SNTG1: variants seen among roughly 807,000 people sequenced by gnomAD.
SNTG1 encodes the protein syntrophin gamma 1, also known as gamma-1-syntrophin.
SNTG1 carries 39 observed loss-of-function variants against 74.7 expected under a neutral mutation model. The ratio of observed to expected loss-of-function variants is 0.52; its 90% CI spans 0.40 to 0.68. The LOEUF is 0.68. Ranked by LOEUF, SNTG1 falls within the 30% of genes least tolerant of loss-of-function variation. The pLI is 0.00. For synonymous variants in SNTG1, 254 were observed against 217.1 expected (o/e 1.17, Z -1.49); for missense variants, 685 against 609.5 (o/e 1.12, Z -1.30).
At chr8:50,699,628 CTGA>C (rs1256535096) in intron 15 of SNTG1, among the ~76,000 whole-genome samples, 1 of 152,092 alleles carries the variant, frequency 6.6e-6, no homozygotes, top group Non-Finnish European at 1.5e-5. Flanking sequence ...AAAAATGCAA[CTGA>C]TGAGTTCTTG....
intron 15 of SNTG1, among the ~76,000 whole-genome samples, chr8:50,689,192 G>T (rs2131432227): frequency 6.6e-6 from 1 of 152,168 alleles, no homozygotes; most frequent in Non-Finnish European, 1.5e-5. Flanking sequence ...CCTGTAGTCT[G>T]CAAACAGGGA....
chr8:50,548,538 T>G (rs2094403830), intron 11 of SNTG1, among the ~76,000 whole-genome samples: 1 of 152,156 alleles, frequency 6.6e-6, no homozygotes, highest in South Asian at 2.1e-4. Context: ...TGTTTCTTAC[T>G]TACAGATTAA....
At chr8:50,324,399 T>C (rs995216577) in intron 2 of SNTG1, among the ~76,000 whole-genome samples, 3 of 152,176 alleles carry the variant, frequency 2.0e-5, no homozygotes, top group Non-Finnish European at 2.9e-5. Context: ...TCCTCAATAC[T>C]CTTTCCATAA....
intron 8 of SNTG1, 46 bp downstream of exon 8, chr8:50,450,775 T>C: frequency 6.3e-7 from 1 of 1,588,712 alleles, no homozygotes; most frequent in Non-Finnish European, 8.6e-7. Context: ...CATGTGCAAA[T>C]AAGAATTTAG....
intron 1 of SNTG1, among the ~76,000 whole-genome samples, chr8:50,098,543 G>A (rs754836597): frequency 6.6e-6 from 1 of 152,124 alleles, no homozygotes; most frequent in Admixed American, 6.5e-5. Flanking sequence ...GGCCATTTTA[G>A]ATCAATGGCT....
chr8:50,233,226 C>T (rs1242674193), intron 2 of SNTG1, among the ~76,000 whole-genome samples: 2 of 151,374 alleles, frequency 1.3e-5, no homozygotes, highest in African/African-American at 4.8e-5. Flanking sequence ...GATCAATGGA[C>T]CGGAAGAGAT....
chr8:50,660,543 G>A lies in SNTG1; in HGVS notation c.1038+1880G>A, dbSNP rs58978621. Among the ~76,000 whole-genome samples the A allele has an allele frequency of 4.3e-3, 328 of 76,114 alleles. 5 individuals are homozygous for A. In the African/African-American group the frequency reaches 0.05, roughly 12 times the overall value. The allele number at this position is 76,114 out of a possible 152,430, so 49.9% of individuals were successfully genotyped here. ...AGGGAGGGAGAAGGAAGGAAGGAAA[G>A]AAAACTGCCTCAACAAATCAACTTT... On this transcript the variant is annotated intron_variant, in intron 15 of 18. Transcript: ENST00000642720.
At chr8:50,493,737 A>G (rs1331250836) in intron 8 of SNTG1, among the ~76,000 whole-genome samples, 3 of 150,602 alleles carry the variant, frequency 2.0e-5, no homozygotes, top group African/African-American at 4.8e-5. Context: ...TTCTATTTAT[A>G]TATATAATAT....
At chr8:50,594,103 T>C (rs1459191495) in intron 13 of SNTG1, among the ~76,000 whole-genome samples, 1 of 152,190 alleles carries the variant, frequency 6.6e-6, no homozygotes, top group Non-Finnish European at 1.5e-5. Flanking sequence ...GCGGGACAGT[T>C]GTCTTGCTGA....
intron 17 of SNTG1, among the ~76,000 whole-genome samples, chr8:50,719,753 T>A (rs1192322141): frequency 3.3e-5 from 5 of 152,192 alleles, no homozygotes; most frequent in Non-Finnish European, 7.4e-5. Flanking sequence ...ATGGCTATGA[T>A]TAAAATAAAT....
Position 50,733,060 on chromosome 8 carries a change from G to A in SNTG1, c.1285-18941G>A, listed in dbSNP as rs141676536. 4.6e-3 allele frequency among the ~76,000 whole-genome samples: 700 copies of A among 151,966 alleles called. 10 individuals carry two copies. The highest frequency in any genetic ancestry group is 5.2e-3 in the Non-Finnish European group (350 of 67,868). On this transcript the variant is annotated intron_variant, in intron 17 of 18. Coordinates refer to ENST00000642720, the MANE Select transcript of SNTG1 (RefSeq NM_018967.5). ...CAGACTGTGAGCATAGTACCTGATA[G>A]ACAGTTTTTCAACAGACAACCCCCT...
chr8:50,454,872 A>C (rs1413664357), intron 8 of SNTG1, among the ~76,000 whole-genome samples: 1 of 150,096 alleles, frequency 6.7e-6, no homozygotes, highest in Non-Finnish European at 1.5e-5. Context: ...AGTGCCATCT[A>C]TGTGAAAAGC....
chr8:50,192,407 T>C (rs575630002), intron 2 of SNTG1, among the ~76,000 whole-genome samples: 1 of 152,242 alleles, frequency 6.6e-6, no homozygotes, highest in South Asian at 2.1e-4. Flanking sequence ...CTGATCATTA[T>C]TGATGTTGAG....
In SNTG1 at chr8:50,199,662, G is replaced by A. The variant is rs181540788; in HGVS notation, c.-28+27027G>A. The stretch of plus-strand genomic sequence containing the variant: ...ACAGATTCTAGGAAATTATGACGAC[G>A]CTGAGTGCAGGTCGTCAGCTGCCCT... On this transcript the variant is annotated intron_variant, in intron 2 of 18. Transcript: ENST00000642720. Among the ~76,000 whole-genome samples the A allele has an allele frequency of 1.2e-4, 19 of 152,212 alleles. 1 individual carries two copies. The East Asian group carries it at 2.9e-3, about 23-fold the overall frequency.
intron 13 of SNTG1, among the ~76,000 whole-genome samples, chr8:50,603,158 TTTTCAAG>T (rs2094787643): frequency 6.6e-6 from 1 of 152,226 alleles, no homozygotes; most frequent in Non-Finnish European, 1.5e-5. Context: ...TAGATTTGCC[TTTTCAAG>T]GCTATTTTCT....
intron 8 of SNTG1, among the ~76,000 whole-genome samples, chr8:50,478,525 T>A (rs2131802426): frequency 6.6e-6 from 1 of 152,338 alleles, no homozygotes; most frequent in Admixed American, 6.5e-5. Flanking sequence ...ATCACTAGTT[T>A]TTGTTTTTCA....
chr8:50,416,751 A>G (rs537693549), intron 4 of SNTG1, among the ~76,000 whole-genome samples: 1 of 152,264 alleles, frequency 6.6e-6, no homozygotes, highest in African/African-American at 2.4e-5. Flanking sequence ...TTTTCCATAA[A>G]TGAAGACTTT....
chr8:50,704,799 G>T, intron 16 of SNTG1, 47 bp downstream of exon 16: 1 of 1,599,442 alleles, frequency 6.3e-7, no homozygotes, highest in South Asian at 1.1e-5. Context: ...TCAGATGCAT[G>T]ACCACTTCCC....
Position 50,590,453 on chromosome 8 carries a change from C to T in SNTG1, c.811-426C>T, listed in dbSNP as rs185226354. On this transcript the variant is annotated intron_variant, in intron 12 of 18. Transcript: ENST00000642720. ...TGGAGTCTTGACTGAAAATGTTCAA[C>T]ACACATACTTTATCCTTTAGCGTTT... Among the ~76,000 whole-genome samples, 263 of 152,164 alleles carry T rather than the reference C, an allele frequency of 1.7e-3. 1 individual carries two copies. Among genetic ancestry groups the T allele is most frequent in the African/African-American group, 5.9e-3 (244 of 41,556 alleles).
Sources: allele counts gnomAD v4.1 joint callset (sites outside exome capture counted in the v4.1 genomes callset), GRCh38; gene constraint gnomAD v4.1.1; transcripts MANE v1.5; gene names NCBI Gene and HGNC (gene_info 2026-07-23, HGNC 2026-07-21).